Variants in HCN1 observed in about 807,000 individuals in gnomAD.
The protein encoded by HCN1 is hyperpolarization activated cyclic nucleotide gated potassium channel 1, also known as potassium/sodium hyperpolarization-activated cyclic nucleotide-gated channel 1.
Under a neutral mutation model 78.9 loss-of-function variants are expected in HCN1, and 13 were observed. The ratio of observed to expected loss-of-function variants is 0.16; its 90% CI spans 0.11 to 0.26. The LOEUF is 0.26. Among genes scored for constraint, HCN1 ranks in the 10% least tolerant of loss-of-function variants. HCN1 has a pLI of 1.00. For missense variants in HCN1, 810 were observed against 1,154.3 expected, an observed-to-expected ratio of 0.70 and a Z score of 4.32; for synonymous variants, 552 against 455.5, an observed-to-expected ratio of 1.21 and a Z score of -2.70.
intron 5 of HCN1, among the ~76,000 whole-genome samples, chr5:45,324,461 C>G: frequency 6.6e-6 from 1 of 151,936 alleles, no homozygotes; most frequent in Non-Finnish European, 1.5e-5. Flanking sequence ...GATACCATCT[C>G]ACACCAGTTA....
At chr5:45,534,884 T>C (rs1488650851) in intron 2 of HCN1, among the ~76,000 whole-genome samples, 2 of 152,202 alleles carry the variant, frequency 1.3e-5, no homozygotes, top group African/African-American at 4.8e-5. Context: ...TCTTCCAACC[T>C]ATAAAATTAA....
intron 3 of HCN1, among the ~76,000 whole-genome samples, chr5:45,428,242 A>G (rs1740390058): frequency 6.6e-6 from 1 of 152,094 alleles, no homozygotes; most frequent in South Asian, 2.1e-4. Flanking sequence ...ACTATGAAAC[A>G]ATTGATATAT....
intron 2 of HCN1, among the ~76,000 whole-genome samples, chr5:45,545,994 T>A (rs1409832831): frequency 6.6e-6 from 1 of 152,078 alleles, no homozygotes; most frequent in Admixed American, 6.6e-5. Flanking sequence ...TCTGCTTCAA[T>A]GATGGTTTAT....
intron 2 of HCN1, among the ~76,000 whole-genome samples, chr5:45,620,211 C>T (rs575505386): frequency 1.8e-4 from 28 of 152,046 alleles, no homozygotes; most frequent in Non-Finnish European, 3.2e-4. Context: ...CCTAAAGAAG[C>T]ATGACAACTA....
intron 2 of HCN1, chr5:45,642,203 C>A (rs914080831): frequency 3.3e-5 from 5 of 152,106 alleles, no homozygotes; most frequent in African/African-American, 1.2e-4. Flanking sequence ...GCTATTTTTA[C>A]ATCCCAAATC....
At chr5:45,467,708 T>A (rs1162004497) in intron 2 of HCN1, among the ~76,000 whole-genome samples, 1 of 152,110 alleles carries the variant, frequency 6.6e-6, no homozygotes, top group Non-Finnish European at 1.5e-5. Flanking sequence ...CCCATGACTA[T>A]CTTCTTCAGT....
chr5:45,693,096 C>A (rs1257990208), intron 1 of HCN1, among the ~76,000 whole-genome samples: 1 of 152,118 alleles, frequency 6.6e-6, no homozygotes, highest in African/African-American at 2.4e-5. Flanking sequence ...TAGATCATGA[C>A]CGCAAAAATT....
At chr5:45,330,223 T>C (rs1278588537) in intron 5 of HCN1, among the ~76,000 whole-genome samples, 1 of 151,320 alleles carries the variant, frequency 6.6e-6, no homozygotes, top group Non-Finnish European at 1.5e-5. Context: ...ATCCAAACCA[T>C]GATGCCATGC....
At chr5:45,683,239 T>C (rs1281020987) in intron 1 of HCN1, among the ~76,000 whole-genome samples, 1 of 152,188 alleles carries the variant, frequency 6.6e-6, no homozygotes, top group Non-Finnish European at 1.5e-5. Context: ...ATCATTTTTC[T>C]AATTCCAAAT....
At position 45,515,089 on chromosome 5, in the gene HCN1, A is replaced by T. The variant is rs141294665; in HGVS notation, c.850-53082T>A. Among the ~76,000 whole-genome samples, 23 of 152,102 alleles carry T rather than the reference A, an allele frequency of 1.5e-4. No homozygotes were observed. The South Asian group carries it at 2.7e-3, about 18-fold the overall frequency. On this transcript the variant is annotated intron_variant, in intron 2 of 7. Transcript: ENST00000303230. Reference sequence around the variant, plus strand: ...TATGCCTACAAAACTTTTTCATGATATATAGACCCTATGTGCACAGTTTTC... The same window carrying T: ...TATGCCTACAAAACTTTTTCATGATTTATAGACCCTATGTGCACAGTTTTC...
intron 5 of HCN1, among the ~76,000 whole-genome samples, chr5:45,333,905 G>T (rs1047541472): frequency 2.0e-5 from 3 of 151,718 alleles, no homozygotes; most frequent in African/African-American, 7.3e-5. Flanking sequence ...TTAGATAAAA[G>T]CCATTTTAAG....
intron 3 of HCN1, among the ~76,000 whole-genome samples, 163 bp from the exon 4 acceptor site, chr5:45,396,873 T>A (rs1739697861): frequency 6.6e-6 from 1 of 152,202 alleles, no homozygotes; most frequent in Admixed American, 6.5e-5. Flanking sequence ...AATTAAATGA[T>A]GTTTTTCAAA....
intron 6 of HCN1, among the ~76,000 whole-genome samples, chr5:45,286,150 C>T (rs566103399): frequency 6.1e-4 from 93 of 151,946 alleles, no homozygotes; most frequent in Admixed American, 1.8e-3. Flanking sequence ...TATTTTGTGT[C>T]TTCTCTCAGT....
chr5:45,574,838 T>C (rs1423848083), intron 2 of HCN1: 1 of 152,164 alleles, frequency 6.6e-6, no homozygotes, highest in African/African-American at 2.4e-5. Context: ...GGATAGAAGA[T>C]CAAATCACCC....
chr5:45,684,629 G>A (rs1451463226), intron 1 of HCN1, among the ~76,000 whole-genome samples: 2 of 152,206 alleles, frequency 1.3e-5, no homozygotes, highest in African/African-American at 2.4e-5. Flanking sequence ...GGTAGGCCAA[G>A]GTGGGTGGAT....
chr5:45,565,893 GAC>G (rs1196435730), intron 2 of HCN1, among the ~76,000 whole-genome samples: 1 of 152,144 alleles, frequency 6.6e-6, no homozygotes, highest in East Asian at 1.9e-4. Flanking sequence ...AATTGAATAT[GAC>G]ACAGTTTTGA....
intron 2 of HCN1, among the ~76,000 whole-genome samples, chr5:45,468,532 A>G (rs1187461580): frequency 6.6e-6 from 1 of 152,040 alleles, no homozygotes; most frequent in Non-Finnish European, 1.5e-5. Context: ...GAATTTCTAT[A>G]TATGTTTCAT....
chr5:45,529,070 T>C (rs373016274), intron 2 of HCN1, among the ~76,000 whole-genome samples: 1 of 152,014 alleles, frequency 6.6e-6, no homozygotes, highest in Non-Finnish European at 1.5e-5. Flanking sequence ...TCCTCCTTCA[T>C]TCCAGTGGCA....
intron 2 of HCN1, among the ~76,000 whole-genome samples, chr5:45,550,587 T>C (rs1743346032): frequency 1.3e-5 from 2 of 152,098 alleles, no homozygotes; most frequent in African/African-American, 4.8e-5. Flanking sequence ...ATGGCACATG[T>C]ATACATATGT....
Sources: allele counts gnomAD v4.1 joint callset (sites outside exome capture counted in the v4.1 genomes callset), GRCh38; gene constraint gnomAD v4.1.1; transcripts MANE v1.5; gene names NCBI Gene and HGNC (gene_info 2026-07-23, HGNC 2026-07-21).